The following LRBA variants were observed in gnomAD, a reference collection of about 807,000 sequenced individuals.
LRBA encodes the protein lipopolysaccharide-responsive and beige-like anchor protein.
LRBA carries 176 observed loss-of-function variants against 330.0 expected under a neutral mutation model. The observed-to-expected ratio is 0.53, with a 90% CI of 0.47 to 0.60. LRBA has a LOEUF of 0.60. LRBA is among the 20% of genes least tolerant of loss of function. The probability of loss-of-function intolerance (pLI) is 0.00; values close to 1 mark genes in which losing one functional copy is unlikely to be tolerated. For missense variants in LRBA, 3,259 were observed against 3,444.8 expected (o/e 0.95, Z 1.35); for synonymous variants, 1,230 against 1,193.0 (o/e 1.03, Z -0.64).
chr4:150,479,257 T>C (rs1483632869), intron 42 of LRBA, among the ~76,000 whole-genome samples: 1 of 151,998 alleles, frequency 6.6e-6, no homozygotes, highest in Non-Finnish European at 1.5e-5. Context: ...CCAGCCTGGG[T>C]GACATAGCAA....
intron 42 of LRBA, among the ~76,000 whole-genome samples, chr4:150,483,852 C>T (rs1229004535): frequency 6.6e-6 from 1 of 152,024 alleles, no homozygotes; most frequent in African/African-American, 2.4e-5. Flanking sequence ...CTTATAAATA[C>T]ATTTTCAAAT....
intron 17 of LRBA, among the ~76,000 whole-genome samples, chr4:150,886,180 C>T (rs1050363396): frequency 6.6e-6 from 1 of 152,132 alleles, no homozygotes; most frequent in Non-Finnish European, 1.5e-5. Flanking sequence ...GGAGTTAAAA[C>T]TTGGAGAATT....
At chr4:150,641,578 C>T (rs1461403533) in intron 37 of LRBA, among the ~76,000 whole-genome samples, 1 of 152,012 alleles carries the variant, frequency 6.6e-6, no homozygotes, top group Non-Finnish European at 1.5e-5. Flanking sequence ...GTTTCATTTG[C>T]CTATTTTCTT....
chr4:150,430,333 T>C (rs1247371934), intron 46 of LRBA, among the ~76,000 whole-genome samples: 4 of 152,154 alleles, frequency 2.6e-5, no homozygotes, highest in Non-Finnish European at 5.9e-5. Context: ...AATCTATTCA[T>C]GTCACTTCTT....
chr4:150,517,971 A>T (rs1384861324), intron 40 of LRBA, among the ~76,000 whole-genome samples: 1 of 152,230 alleles, frequency 6.6e-6, no homozygotes, highest in Non-Finnish European at 1.5e-5. Flanking sequence ...TATGACAGCA[A>T]AACTAGCACA....
At chr4:150,705,696 T>C (rs1253302785) in intron 36 of LRBA, among the ~76,000 whole-genome samples, 1 of 152,014 alleles carries the variant, frequency 6.6e-6, no homozygotes, top group African/African-American at 2.4e-5. Flanking sequence ...AAGTATACTA[T>C]GAATATCAAC....
chr4:150,508,647 TATC>T lies in LRBA; in HGVS notation c.6331-17615_6331-17613del, dbSNP rs530824529. Among the ~76,000 whole-genome samples, 14 of 152,308 alleles carry T rather than the reference TATC, an allele frequency of 9.2e-5. No individual in the cohort carries two copies. The East Asian group carries it at 2.5e-3, about 27-fold the overall frequency. ...GATAAAGAGGGTCATTTTATAATAA[TATC>T]ATTTCATCAAGAGGCTTTATTTAAC... On this transcript the variant is annotated intron_variant, in intron 40 of 56. Transcript: ENST00000651943.
chr4:150,988,322 T>C (rs866536259), intron 2 of LRBA, among the ~76,000 whole-genome samples: 10 of 152,308 alleles, frequency 6.6e-5, no homozygotes, highest in Middle Eastern at 3.4e-3. Context: ...ATCAATTTCA[T>C]ATAAACTTTG....
At chr4:150,550,284 C>A (rs1047859821) in intron 40 of LRBA, among the ~76,000 whole-genome samples, 7 of 152,084 alleles carry the variant, frequency 4.6e-5, no homozygotes, top group Non-Finnish European at 1.0e-4. Flanking sequence ...GCATGCTCCA[C>A]TTTAGGGGTA....
chr4:150,272,766 A>C (rs1439927765), intron 56 of LRBA, among the ~76,000 whole-genome samples: 1 of 152,008 alleles, frequency 6.6e-6, no homozygotes, highest in Non-Finnish European at 1.5e-5. Context: ...GAGAAAAAAG[A>C]ATGAAAAGGA....
At chr4:150,688,792 C>A (rs540101516) in intron 36 of LRBA, among the ~76,000 whole-genome samples, 1 of 152,224 alleles carries the variant, frequency 6.6e-6, no homozygotes, top group South Asian at 2.1e-4. Context: ...ATTAAAAAAT[C>A]AGGAAACAAC....
chr4:150,934,848 A>T (rs1329296148), intron 2 of LRBA, among the ~76,000 whole-genome samples: 3 of 152,182 alleles, frequency 2.0e-5, no homozygotes, highest in Non-Finnish European at 4.4e-5. Context: ...GTCTCTACTA[A>T]AAATACAAAA....
intron 40 of LRBA, among the ~76,000 whole-genome samples, chr4:150,524,118 A>T (rs1763210738): frequency 6.6e-6 from 1 of 152,214 alleles, no homozygotes; most frequent in Admixed American, 6.5e-5. Context: ...ACAAGTACAG[A>T]GTACTATATA....
At chr4:150,537,236 C>T (rs952306349) in intron 40 of LRBA, among the ~76,000 whole-genome samples, 3 of 152,162 alleles carry the variant, frequency 2.0e-5, no homozygotes, top group Admixed American at 6.5e-5. Context: ...AAAGGACTGC[C>T]TATTTAATAA....
At chr4:150,347,905 A>G (rs1334803891) in intron 48 of LRBA, among the ~76,000 whole-genome samples, 1 of 152,126 alleles carries the variant, frequency 6.6e-6, no homozygotes, top group Admixed American at 6.5e-5. Flanking sequence ...AAAGATGGTC[A>G]AAGACAAACA....
intron 48 of LRBA, among the ~76,000 whole-genome samples, chr4:150,342,079 AAT>A (rs1399155609): frequency 6.6e-6 from 1 of 152,038 alleles, no homozygotes; most frequent in African/African-American, 2.4e-5. Context: ...AATTCGTAAA[AAT>A]AGTTATTCTT....
intron 38 of LRBA, among the ~76,000 whole-genome samples, chr4:150,598,372 T>G (rs1453404092): frequency 6.6e-6 from 1 of 152,152 alleles, no homozygotes; most frequent in Non-Finnish European, 1.5e-5. Context: ...CTTATAAGAC[T>G]TTTACCTAAA....
At position 150,653,507 on chromosome 4, in the gene LRBA, G is replaced by A. The variant is rs75254947; in HGVS notation, c.5921+30044C>T. ...GACCCTCTGGCCTCTGACATAGCAGGTTGGTCCAGGCTGACCTTGCCCAAT... is the reference window on the plus strand; with the variant it reads ...GACCCTCTGGCCTCTGACATAGCAGATTGGTCCAGGCTGACCTTGCCCAAT... On this transcript the variant is annotated intron_variant, in intron 37 of 56. Coordinates refer to ENST00000651943, the MANE Select transcript of LRBA (RefSeq NM_001364905.1). Among the ~76,000 whole-genome samples, 500 of 152,212 alleles carry A rather than the reference G, an allele frequency of 3.3e-3. 1 individual carries two copies. Among genetic ancestry groups the A allele is most frequent in the African/African-American group, 0.011 (476 of 41,520 alleles).
At chr4:150,270,177 C>T (rs1038195096) in intron 56 of LRBA, among the ~76,000 whole-genome samples, 16 of 152,230 alleles carry the variant, frequency 1.1e-4, no homozygotes, top group African/African-American at 3.4e-4. Context: ...AAAAGTCAAA[C>T]GGAATTGCCA....
Sources: gnomAD v4.1 joint callset for allele counts (sites outside exome capture counted in the v4.1 genomes callset) on GRCh38, gnomAD v4.1.1 for gene constraint, MANE v1.5 for transcripts, NCBI Gene and HGNC (gene_info 2026-07-23, HGNC 2026-07-21) for gene names.